Variants in PSMA7 observed in about 807,000 individuals in gnomAD.
The protein encoded by PSMA7 is proteasome 20S subunit alpha 7, also known as proteasome subunit alpha type-7.
In PSMA7, 5 loss-of-function variants were observed where a neutral mutation model predicts 31.3. The observed-to-expected ratio is 0.16, with a 90% CI of 0.08 to 0.34. PSMA7 has a LOEUF of 0.34. Among genes scored for constraint, PSMA7 ranks in the 10% least tolerant of loss-of-function variants. The pLI is 1.00. For synonymous variants in PSMA7, 155 were observed against 121.9 expected, an observed-to-expected ratio of 1.27 and a Z score of -1.79; for missense variants, 217 against 327.5, an observed-to-expected ratio of 0.66 and a Z score of 2.60.
At chr20:62,138,311 C>T in intron 4 of PSMA7, 21 bp from the exon 5 acceptor site, 1 of 1,585,156 alleles carries the variant, frequency 6.3e-7, no homozygotes. Context: ...CACGTATGTT[C>T]TCACGTGGCA....
At chr20:62,140,004 C>A in intron 2 of PSMA7, 99 bp from the exon 3 acceptor site, 2 of 1,438,776 alleles carry the variant, frequency 1.4e-6, no homozygotes, top group Non-Finnish European at 1.9e-6. Flanking sequence ...ACAGACCCCC[C>A]AAACCGGCAG....
intron 1 of PSMA7, 119 bp from the exon 2 acceptor site, chr20:62,141,063 A>C: frequency 1.6e-6 from 2 of 1,269,802 alleles, no homozygotes; most frequent in Non-Finnish European, 2.2e-6. Context: ...TAAATTCAAG[A>C]GTTCAAGACC....
At chr20:62,142,937 C>G (rs1233750107) in intron 1 of PSMA7, among the ~76,000 whole-genome samples, 1 of 150,346 alleles carries the variant, frequency 6.7e-6, no homozygotes, top group African/African-American at 2.4e-5. Context: ...TCACGGCCCC[C>G]GTGCCCGGGG....
Position 62,143,360 on chromosome 20 carries a change from G to T in PSMA7, c.-57C>A. On this transcript the variant is annotated 5_prime_UTR_variant, in exon 1 of 7. Coordinates refer to ENST00000370873, the MANE Select transcript of PSMA7 (RefSeq NM_002792.4). ...GCGACTCTCAAAAGCGCACACTCACGGCCCGCGCGCACCCGCGACTCCCGG... is the reference window on the plus strand; with the variant it reads ...GCGACTCTCAAAAGCGCACACTCACTGCCCGCGCGCACCCGCGACTCCCGG... 3 of 1,093,764 alleles carry T rather than the reference G, an allele frequency of 2.7e-6. No individual in the cohort carries two copies. The highest frequency in any genetic ancestry group is 3.5e-6 in the Non-Finnish European group (3 of 853,884). The allele number at this position is 1,093,764 out of a possible 1,614,324, so 67.8% of individuals were successfully genotyped here. A position where few individuals can be genotyped will look rare whatever the true frequency, so the allele number is the denominator to read the frequency against.
At chr20:62,138,768 G>T (rs970245422) in intron 4 of PSMA7, among the ~76,000 whole-genome samples, 3 of 152,028 alleles carry the variant, frequency 2.0e-5, no homozygotes, top group African/African-American at 7.2e-5. Context: ...ATGTTGGCCA[G>T]GCTGGTCTCG....
intron 3 of PSMA7, chr20:62,139,502 A>C: frequency 1.5e-6 from 1 of 668,118 alleles, no homozygotes; most frequent in South Asian, 1.9e-5. Flanking sequence ...GCCCCCTTCA[A>C]CTGCTTTGTG....
intron 3 of PSMA7, 28 bp from the exon 4 acceptor site, chr20:62,139,225 C>T (rs1420235703): frequency 6.2e-7 from 1 of 1,602,176 alleles, no homozygotes; most frequent in Non-Finnish European, 8.5e-7. Flanking sequence ...AGGTCAGTGC[C>T]ATCCAATTAA....
In PSMA7 at chr20:62,138,214, G is replaced by C. The variant is rs757869004; in HGVS notation, c.548C>G (p.Thr183Arg). The C allele has an allele frequency of 6.2e-7, 1 of 1,614,220 alleles. No individual in the cohort carries two copies. Among genetic ancestry groups the C allele is most frequent in the Admixed American group, 1.7e-5 (1 of 60,020 alleles). The stretch of plus-strand genomic sequence containing the variant: ...CACCAGCTTAATGGTCAGATCATCT[G>C]TTTCAATGGCTTCGTCAGTATAGTT... ...EKNYTDEAIETDDLTIKLVIK... is the reference protein window; with the variant it reads ...EKNYTDEAIERDDLTIKLVIK... The change falls in exon 5 of 7, where the codon ACA becomes AGA. Residue 183 changes from threonine (T) to arginine (R), a missense_variant. Physicochemically the swap from Thr to Arg is moderately conservative, Grantham distance 71. This residue lies in a region of PSMA7 where 88 missense variants were observed against 111.6 expected (regional missense o/e 0.79). Transcript: ENST00000370873.
chr20:62,139,565 G>T, intron 3 of PSMA7: 1 of 806,668 alleles, frequency 1.2e-6, no homozygotes. Flanking sequence ...CCAGACACAG[G>T]AATTTGGAAT....
chr20:62,142,710 G>A (rs2056941784), intron 1 of PSMA7: 1 of 152,414 alleles, frequency 6.6e-6, no homozygotes, highest in South Asian at 2.1e-4. Flanking sequence ...TGGGCCTAGA[G>A]AATAAGTGTT....
In PSMA7 at chr20:62,136,976, T is replaced by G. The variant is rs769086266; in HGVS notation, c.655-27A>C. The G allele has an allele frequency of 3.5e-5, 55 of 1,593,940 alleles. No homozygotes were observed. The Middle Eastern group carries it at 6.7e-4, about 19-fold the overall frequency. On this transcript the variant is annotated intron_variant, in intron 6 of 6. Transcript: ENST00000370873. The stretch of plus-strand genomic sequence containing the variant: ...TATAGAAAAAAACTTCATGGTTACC[T>G]AAGCCACACAAGGTGCCAAGGAACC...
At chr20:62,140,744 C>T (rs2056922753) in intron 2 of PSMA7, 74 bp downstream of exon 2, 1 of 1,551,472 alleles carries the variant, frequency 6.4e-7, no homozygotes, top group Non-Finnish European at 8.8e-7. Flanking sequence ...GCCCACACAC[C>T]CAAGTTAATC....
At chr20:62,140,389 T>A (rs565519689) in intron 2 of PSMA7, among the ~76,000 whole-genome samples, 2 of 152,290 alleles carry the variant, frequency 1.3e-5, no homozygotes, top group East Asian at 3.9e-4. Flanking sequence ...AGAGGAGAAA[T>A]GAGCAAGACC....
chr20:62,138,758 A>G (rs570053906), intron 4 of PSMA7, among the ~76,000 whole-genome samples: 35 of 152,122 alleles, frequency 2.3e-4, no homozygotes, highest in African/African-American at 7.5e-4. Context: ...GGGTTCTGCC[A>G]TGTTGGCCAG....
Position 62,137,176 on chromosome 20 carries a change from G to A in PSMA7, c.654+188C>T, listed in dbSNP as rs368702144. Among the ~76,000 whole-genome samples, 10 of 152,328 alleles carry A rather than the reference G, an allele frequency of 6.6e-5. No individual in the cohort carries two copies. In the East Asian group the frequency reaches 7.7e-4, roughly 12 times the overall value. ...GCCGCTCAGCATGCCCAGAGAACAC[G>A]CGTGGACCATCTAATCAGAGGAAGA... On this transcript the variant is annotated intron_variant, in intron 6 of 6. Transcript: ENST00000370873.
rs1328262133 is a variant in PSMA7 at position 62,143,198 on chromosome 20, G to C, written c.96+10C>G. 7.4e-7 allele frequency: 1 copy of C among 1,353,966 alleles called. No homozygotes were observed. 83.9% of individuals were successfully genotyped at this position (1,353,966 alleles called of 1,614,324 possible). On this transcript the variant is annotated intron_variant, in intron 1 of 6. Transcript: ENST00000370873. ...GCGTCCCCGGCCCCGCGCAGGCCCCGCCGCCTCACCGCGGTCGAGCCCTTC... is the reference window on the plus strand; with the variant it reads ...GCGTCCCCGGCCCCGCGCAGGCCCCCCCGCCTCACCGCGGTCGAGCCCTTC...
chr20:62,137,485 C>T, intron 5 of PSMA7, 59 bp from the exon 6 acceptor site: 2 of 1,529,934 alleles, frequency 1.3e-6, no homozygotes, highest in Non-Finnish European at 1.8e-6. Flanking sequence ...ACAAAAGCAG[C>T]TCTCAGGAGT....
Position 62,143,346 on chromosome 20 carries a change from A to T in PSMA7, c.-43T>A. 1.6e-6 allele frequency: 2 copies of T among 1,265,482 alleles called. No homozygotes were observed. Among genetic ancestry groups the T allele is most frequent in the Non-Finnish European group, 2.1e-6 (2 of 964,946 alleles). The allele number at this position is 1,265,482 out of a possible 1,614,324, so 78.4% of individuals were successfully genotyped here. Reference sequence around the variant, plus strand: ...GGGCTCCTTCCGCCGCGACTCTCAAAAGCGCACACTCACGGCCCGCGCGCA... The same window carrying T: ...GGGCTCCTTCCGCCGCGACTCTCAATAGCGCACACTCACGGCCCGCGCGCA... On this transcript the variant is annotated 5_prime_UTR_variant, in exon 1 of 7. Transcript: ENST00000370873.
Position 62,137,728 on chromosome 20 carries a change from G to A in PSMA7, c.592-302C>T, listed in dbSNP as rs1048834127. Among the ~76,000 whole-genome samples, 10 of 152,138 alleles carry A rather than the reference G, an allele frequency of 6.6e-5. No homozygotes were observed. In the East Asian group the frequency reaches 1.2e-3, roughly 18 times the overall value. ...CAGGAATCCTGATGCCTACGCTCCC[G>A]CCTGGCCTTCCAGCTAGTCCCTCTC... On this transcript the variant is annotated intron_variant, in intron 5 of 6. Transcript: ENST00000370873.
Sources: gnomAD v4.1 joint callset for allele counts (sites outside exome capture counted in the v4.1 genomes callset) on GRCh38, gnomAD v4.1.1 for gene constraint, gnomAD v4.1.1 regional missense constraint, MANE v1.5 for transcripts, NCBI Gene and HGNC (gene_info 2026-07-23, HGNC 2026-07-21) for gene names.